PRLR: variants seen among roughly 807,000 people sequenced by gnomAD.
PRLR encodes prolactin receptor.
In PRLR, 13 loss-of-function variants were observed where a neutral mutation model predicts 40.2. The ratio of observed to expected loss-of-function variants is 0.32; its 90% CI spans 0.21 to 0.51. The LOEUF is 0.51. Ranked by LOEUF, PRLR falls within the 20% of genes least tolerant of loss-of-function variation. The pLI is 0.97. For synonymous variants in PRLR, 269 were observed against 278.7 expected (o/e 0.97, Z 0.35); for missense variants, 656 against 747.3 (o/e 0.88, Z 1.42).
chr5:35,134,524 AG>A (rs1561326002), intron 1 of PRLR, among the ~76,000 whole-genome samples: 2 of 152,262 alleles, frequency 1.3e-5, no homozygotes, highest in African/African-American at 4.8e-5. Flanking sequence ...ACCACTCATC[AG>A]TGGATAAAAA....
intron 1 of PRLR, among the ~76,000 whole-genome samples, chr5:35,156,514 G>A (rs1402307501): frequency 1.3e-5 from 2 of 152,178 alleles, no homozygotes; most frequent in Non-Finnish European, 2.9e-5. Context: ...TCCAGGATCT[G>A]GCCTCCAGGC....
intron 1 of PRLR, among the ~76,000 whole-genome samples, chr5:35,161,612 T>A (rs2111907261): frequency 6.6e-6 from 1 of 152,350 alleles, no homozygotes; most frequent in Middle Eastern, 3.4e-3. Context: ...AAGTACTTTG[T>A]CTTGAAAATA....
At chr5:35,072,496 G>T in intron 6 of PRLR, 79 bp downstream of exon 6, 1 of 1,465,738 alleles carries the variant, frequency 6.8e-7, no homozygotes, top group Non-Finnish European at 9.3e-7. Flanking sequence ...TAATTAGGAG[G>T]AATGACCTGT....
chr5:35,102,334 G>C (rs1771935970), intron 2 of PRLR, among the ~76,000 whole-genome samples: 1 of 152,036 alleles, frequency 6.6e-6, no homozygotes, highest in African/African-American at 2.4e-5. Context: ...TTAAGATTCT[G>C]AGTCTTCTTT....
chr5:35,117,896 A>C (rs73075086), intron 2 of PRLR, among the ~76,000 whole-genome samples, 165 bp downstream of exon 2: 9,301 of 152,286 alleles, frequency 0.061, 389 homozygotes, highest in African/African-American at 0.11. Context: ...CAGGCTGGGG[A>C]GACTGAAACA....
At chr5:35,086,161 T>C (rs750544176) in intron 4 of PRLR, 47 bp downstream of exon 4, 1 of 1,605,636 alleles carries the variant, frequency 6.2e-7, no homozygotes, top group Admixed American at 1.7e-5. Flanking sequence ...GCCTGGAGAA[T>C]GGGAGTACTC....
rs1465673464 is a variant in PRLR, at chr5:35,063,783, G to T, written c.*1306C>A. The T allele has an allele frequency of 6.6e-6, 1 of 152,012 alleles. No individual in the cohort carries two copies. The highest frequency in any genetic ancestry group is 1.5e-5 in the Non-Finnish European group (1 of 68,004). 9.4% of individuals were successfully genotyped at this position (152,012 alleles called of 1,614,324 possible). A position where few individuals can be genotyped will look rare whatever the true frequency, so the allele number is the denominator to read the frequency against. ...GAAATCGTCGCCCTCCCTTTTTATG[G>T]TAGCTTTAGGAAGATTCACCCATTG... is the stretch of plus-strand genomic sequence containing the variant. On this transcript the variant is annotated 3_prime_UTR_variant, in exon 10 of 10. Transcript: ENST00000618457.
chr5:35,192,226 C>T (rs1396134050), intron 1 of PRLR, among the ~76,000 whole-genome samples: 1 of 152,112 alleles, frequency 6.6e-6, no homozygotes, highest in African/African-American at 2.4e-5. Flanking sequence ...TATGAGTGAA[C>T]GAATGACACA....
At chr5:35,081,320 T>A in intron 5 of PRLR, 1 of 187,452 alleles carries the variant, frequency 5.3e-6, no homozygotes, top group Non-Finnish European at 1.1e-5. Flanking sequence ...CAGAACATGA[T>A]CTGTGCATCT....
downstream of PRLR, among the ~76,000 whole-genome samples, chr5:35,052,472 G>A (rs1454502349): frequency 6.6e-6 from 1 of 152,158 alleles, no homozygotes; most frequent in Non-Finnish European, 1.5e-5. Flanking sequence ...CTGAAAAATT[G>A]TAGGGGCCCA....
intron 2 of PRLR, among the ~76,000 whole-genome samples, chr5:35,107,521 G>A (rs1462369863): frequency 6.6e-6 from 1 of 151,918 alleles, no homozygotes; most frequent in African/African-American, 2.4e-5. Context: ...TCAAATAGAT[G>A]CAATAAAAAA....
chr5:35,093,963 C>T (rs1205674893), intron 2 of PRLR, among the ~76,000 whole-genome samples: 1 of 152,152 alleles, frequency 6.6e-6, no homozygotes, highest in Non-Finnish European at 1.5e-5. Context: ...GTAGGCTATA[C>T]AATCTAGGTT....
In PRLR at chr5:35,202,545, A is replaced by G. The variant is rs571594931; in HGVS notation, c.-106+27723T>C. On this transcript the variant is annotated intron_variant, in intron 1 of 9. Coordinates refer to ENST00000618457, the MANE Select transcript of PRLR (RefSeq NM_000949.7). ...TCATTAACTGCTCCCCCTTCTGGCCATGGCTGCATTTTGTCTGTCTCCTCC... is the reference window on the plus strand; with the variant it reads ...TCATTAACTGCTCCCCCTTCTGGCCGTGGCTGCATTTTGTCTGTCTCCTCC... 9.2e-5 allele frequency among the ~76,000 whole-genome samples: 14 copies of G among 152,262 alleles called. No individual in the cohort carries two copies. In the South Asian group the frequency reaches 2.9e-3, roughly 32 times the overall value.
At chr5:35,121,619 C>T (rs66782186) in intron 1 of PRLR, among the ~76,000 whole-genome samples, 5,560 of 152,306 alleles carry the variant, frequency 0.037, 117 homozygotes, top group Non-Finnish European at 0.047. Context: ...ACAACATTTA[C>T]TAAGTTCTTA....
chr5:35,079,065 A>T (rs1177494399), intron 5 of PRLR, among the ~76,000 whole-genome samples: 4 of 152,226 alleles, frequency 2.6e-5, no homozygotes, highest in African/African-American at 9.6e-5. Context: ...TCTCAAAATA[A>T]TAAGAGCTAT....
chr5:35,112,344 T>C (rs1445298039), intron 2 of PRLR, among the ~76,000 whole-genome samples: 1 of 152,142 alleles, frequency 6.6e-6, no homozygotes. Context: ...AAAGAAGGGC[T>C]GGGTCATCTT....
chr5:35,067,889 A>T (rs1379174881), intron 9 of PRLR, among the ~76,000 whole-genome samples: 1 of 152,226 alleles, frequency 6.6e-6, no homozygotes, highest in Non-Finnish European at 1.5e-5. Context: ...CCTGTTTTGC[A>T]TTAATCAAAA....
chr5:35,124,745 G>A (rs1773401135), intron 1 of PRLR, among the ~76,000 whole-genome samples: 2 of 151,718 alleles, frequency 1.3e-5, no homozygotes, highest in Non-Finnish European at 2.9e-5. Context: ...AGCCAGAATT[G>A]AAGTTAGAGT....
At chr5:35,190,529 G>C (rs1198094285) in intron 1 of PRLR, among the ~76,000 whole-genome samples, 1 of 151,986 alleles carries the variant, frequency 6.6e-6, no homozygotes, top group Non-Finnish European at 1.5e-5. Context: ...CGCTAGAACT[G>C]GGGAGATGGA....
Sources: allele counts gnomAD v4.1 joint callset (sites outside exome capture counted in the v4.1 genomes callset), GRCh38; gene constraint gnomAD v4.1.1; transcripts MANE v1.5; gene names NCBI Gene and HGNC (gene_info 2026-07-23, HGNC 2026-07-21).